R3HCC1L: variants seen among roughly 807,000 people sequenced by gnomAD.
The protein encoded by R3HCC1L is coiled-coil domain-containing protein R3HCC1L.
Under a neutral mutation model 59.9 loss-of-function variants are expected in R3HCC1L, and 51 were observed. That is an observed-to-expected ratio of 0.85 (90% confidence interval 0.68 to 1.07). R3HCC1L has a LOEUF of 1.07. Ranked by LOEUF, R3HCC1L falls within the 50% of genes least tolerant of loss-of-function variation. The pLI, the probability that R3HCC1L is intolerant of heterozygous loss-of-function variation, is 0.00. For synonymous variants in R3HCC1L, 322 were observed against 315.2 expected (o/e 1.02, Z -0.23); for missense variants, 965 against 933.0 (o/e 1.03, Z -0.45).
chr10:98,213,894 T>C (rs1490281302), intron 5 of R3HCC1L, among the ~76,000 whole-genome samples: 1 of 152,176 alleles, frequency 6.6e-6, no homozygotes, highest in East Asian at 1.9e-4. Context: ...TGACTCACTT[T>C]CCAGATGCTG....
chr10:98,166,304 C>T (rs1847942327), intron 4 of R3HCC1L, among the ~76,000 whole-genome samples: 1 of 152,212 alleles, frequency 6.6e-6, no homozygotes, highest in Non-Finnish European at 1.5e-5. Flanking sequence ...CATGCTGGCA[C>T]CCTGATCTTG....
intron 4 of R3HCC1L, among the ~76,000 whole-genome samples, chr10:98,207,633 C>G (rs981765831): frequency 2.6e-5 from 4 of 151,956 alleles, no homozygotes; most frequent in African/African-American, 9.7e-5. Context: ...CATTTTCTAG[C>G]CAACATTCAA....
At chr10:98,161,708 C>T (rs1023991801) in intron 2 of R3HCC1L, among the ~76,000 whole-genome samples, 10 of 152,116 alleles carry the variant, frequency 6.6e-5, no homozygotes, top group Admixed American at 6.5e-5. Context: ...CTTTGATATG[C>T]TACCTTTATC....
intron 5 of R3HCC1L, among the ~76,000 whole-genome samples, chr10:98,215,120 T>C (rs915013508): frequency 1.3e-5 from 2 of 152,254 alleles, no homozygotes; most frequent in Middle Eastern, 3.4e-3. Flanking sequence ...TCAACAGATA[T>C]TGAACAAATA....
At chr10:98,172,809 A>G (rs539345229) in intron 4 of R3HCC1L, among the ~76,000 whole-genome samples, 1 of 152,306 alleles carries the variant, frequency 6.6e-6, no homozygotes, top group African/African-American at 2.4e-5. Context: ...ATGAGGCTGT[A>G]GCCCAAGCTT....
At chr10:98,216,049 C>T (rs1188470492) in intron 5 of R3HCC1L, among the ~76,000 whole-genome samples, 2 of 152,090 alleles carry the variant, frequency 1.3e-5, no homozygotes, top group Non-Finnish European at 2.9e-5. Context: ...CTAAGTTTGT[C>T]ACTATCAGAA....
intron 1 of R3HCC1L, among the ~76,000 whole-genome samples, chr10:98,147,510 C>T (rs1590397074): frequency 6.6e-6 from 1 of 152,112 alleles, no homozygotes; most frequent in Admixed American, 6.5e-5. Flanking sequence ...AGCAATTCCT[C>T]AATGTTTTCT....
intron 4 of R3HCC1L, among the ~76,000 whole-genome samples, chr10:98,207,681 A>G (rs1852852895): frequency 2.0e-5 from 3 of 151,872 alleles, no homozygotes; most frequent in Admixed American, 1.3e-4. Flanking sequence ...ATGTATATTT[A>G]TGTTGAACAA....
intron 4 of R3HCC1L, among the ~76,000 whole-genome samples, chr10:98,202,580 G>A (rs891739894): frequency 6.6e-6 from 1 of 152,046 alleles, no homozygotes; most frequent in Non-Finnish European, 1.5e-5. Context: ...GGGGCCGGGC[G>A]CGGTGGCTCA....
Position 98,209,205 on chromosome 10 carries a change from G to A in R3HCC1L, c.1091G>A (p.Gly364Glu), listed in dbSNP as rs1853203791. The change falls in exon 5 of 10, where the codon GGA becomes GAA. Residue 364 changes from glycine to glutamate, a missense_variant. Physicochemically the swap from Gly to Glu is moderately conservative, Grantham distance 98 (BLOSUM62 -2). Coordinates refer to ENST00000298999, the MANE Select transcript of R3HCC1L (RefSeq NM_001351015.2). ...VLAHETHRDSGFKNVGDITNK... is the reference protein window; with the variant it reads ...VLAHETHRDSEFKNVGDITNK... ...GCTCATGAAACACATAGAGATAGTG[G>A]ATTTAAGAATGTAGGTGACATTACC... 2 of 1,613,852 alleles carry A rather than the reference G, an allele frequency of 1.2e-6. No individual in the cohort carries two copies. The highest frequency in any genetic ancestry group is 4.5e-5 in the East Asian group (2 of 44,866).
At chr10:98,169,795 C>G (rs1848335196) in intron 4 of R3HCC1L, among the ~76,000 whole-genome samples, 1 of 150,946 alleles carries the variant, frequency 6.6e-6, no homozygotes, top group Non-Finnish European at 1.5e-5. Context: ...TTGCTTAATG[C>G]AAATAAATCA....
intron 5 of R3HCC1L, among the ~76,000 whole-genome samples, chr10:98,226,549 C>A (rs540921839): frequency 6.6e-6 from 1 of 152,176 alleles, no homozygotes; most frequent in Non-Finnish European, 1.5e-5. Context: ...CAGAAATTGA[C>A]AAGCAGATCC....
chr10:98,210,352 T>C (rs948055339), intron 5 of R3HCC1L, among the ~76,000 whole-genome samples: 4 of 152,132 alleles, frequency 2.6e-5, no homozygotes, highest in Non-Finnish European at 5.9e-5. Flanking sequence ...CAAGAAAGTA[T>C]CATTGTTTTT....
chr10:98,234,085 C>T (rs1331418576), intron 6 of R3HCC1L, among the ~76,000 whole-genome samples: 1 of 148,780 alleles, frequency 6.7e-6, no homozygotes, highest in Non-Finnish European at 1.5e-5. Context: ...TTATATTCTA[C>T]CCCTCCTCTG....
chr10:98,173,743 G>A (rs1848740113), intron 4 of R3HCC1L, among the ~76,000 whole-genome samples: 1 of 151,870 alleles, frequency 6.6e-6, no homozygotes, highest in Non-Finnish European at 1.5e-5. Context: ...TTAGCATTGG[G>A]ACCTGACCAA....
intron 4 of R3HCC1L, 64 bp from the exon 5 acceptor site, chr10:98,208,035 AAG>A (rs1429434061): frequency 2.8e-6 from 4 of 1,417,956 alleles, no homozygotes; most frequent in Admixed American, 5.4e-5. Flanking sequence ...AAAAAGAAAA[AAG>A]AAAATATTTT....
At chr10:98,170,913 G>C (rs1848452066) in intron 4 of R3HCC1L, among the ~76,000 whole-genome samples, 1 of 152,216 alleles carries the variant, frequency 6.6e-6, no homozygotes, top group Non-Finnish European at 1.5e-5. Context: ...AGGAATAGAG[G>C]TATCTAATTG....
At chr10:98,214,797 T>C (rs1192274279) in intron 5 of R3HCC1L, among the ~76,000 whole-genome samples, 2 of 152,226 alleles carry the variant, frequency 1.3e-5, no homozygotes, top group South Asian at 2.1e-4. Context: ...GAGATAGAAC[T>C]GCACAAGTCA....
chr10:98,232,221 C>G (rs1036604244), intron 6 of R3HCC1L, among the ~76,000 whole-genome samples: 14 of 152,154 alleles, frequency 9.2e-5, no homozygotes, highest in African/African-American at 3.4e-4. Flanking sequence ...AACTCCTGCA[C>G]TTAAGCCATC....
Sources: allele counts gnomAD v4.1 joint callset (sites outside exome capture counted in the v4.1 genomes callset), GRCh38; gene constraint gnomAD v4.1.1; transcripts MANE v1.5; gene names NCBI Gene and HGNC (gene_info 2026-07-23, HGNC 2026-07-21).